Variants in LOXHD1 observed in about 807,000 individuals in gnomAD.
LOXHD1 encodes lipoxygenase homology PLAT domains 1, also known as lipoxygenase homology domain-containing protein 1.
Under a neutral mutation model 248.2 loss-of-function variants are expected in LOXHD1, and 205 were observed. The observed-to-expected ratio is 0.83, with a 90% CI of 0.74 to 0.93. The LOEUF (loss-of-function observed/expected upper bound fraction) is 0.93, where lower values mean the gene tolerates loss of function less well. Ranked by LOEUF, LOXHD1 falls within the 40% of genes least tolerant of loss-of-function variation. LOXHD1 has a pLI of 0.00. For missense variants in LOXHD1, 2,930 were observed against 2,971.6 expected (o/e 0.99, Z 0.33); for synonymous variants, 1,113 against 1,162.8 (o/e 0.96, Z 0.87).
chr18:46,488,322 T>A (rs776376443), intron 38 of LOXHD1, among the ~76,000 whole-genome samples: 43 of 152,090 alleles, frequency 2.8e-4, no homozygotes, highest in Non-Finnish European at 1.9e-4. Flanking sequence ...GAGTGAAAAA[T>A]GTTTTGTTGT....
At chr18:46,484,696 TG>T (rs1448717484) in intron 39 of LOXHD1, among the ~76,000 whole-genome samples, 2 of 152,128 alleles carry the variant, frequency 1.3e-5, no homozygotes, top group East Asian at 1.9e-4. Flanking sequence ...GGAGATGAAG[TG>T]GGCATCCGAA....
chr18:46,533,280 G>C lies in LOXHD1; in HGVS notation c.4257C>G (p.Thr1419=). 6.4e-7 allele frequency: 1 copy of C among 1,551,794 alleles called. No individual in the cohort carries two copies. The change falls in exon 28 of 41, where the codon ACC becomes ACG. Residue 1419 remains threonine (T), a synonymous_variant. Transcript: ENST00000642948. ...GAATGGTCTTTTTGTCATCCTCAGA[G>C]GTGGCAAGCCACCGATCGCATGGGA... ...LTFPCDRWLA[T]SEDDKKTIRE... is the part of the protein sequence containing the mutation.
chr18:46,557,293 T>G lies in LOXHD1; in HGVS notation c.3350+63A>C, dbSNP rs371788995. ...CCCCCAGTCTTCTTCCAGGACTACCTCTGTGGCAGACATGGCCTCCCTCAG... is the reference window on the plus strand; with the variant it reads ...CCCCCAGTCTTCTTCCAGGACTACCGCTGTGGCAGACATGGCCTCCCTCAG... On this transcript the variant is annotated intron_variant, in intron 21 of 40. Transcript: ENST00000642948. 7 of 1,387,758 alleles carry G rather than the reference T, an allele frequency of 5.0e-6. No individual in the cohort carries two copies. The East Asian group carries it at 1.9e-4, about 38-fold the overall frequency. The allele number at this position is 1,387,758 out of a possible 1,614,324, so 86.0% of individuals were successfully genotyped here.
intron 38 of LOXHD1, among the ~76,000 whole-genome samples, chr18:46,488,743 G>A (rs1349679288): frequency 6.6e-6 from 1 of 152,184 alleles, no homozygotes; most frequent in Non-Finnish European, 1.5e-5. Context: ...CTTGTCCCCA[G>A]TGGGTTTTCC....
chr18:46,639,140 C>CA (rs1284918313), intron 4 of LOXHD1, among the ~76,000 whole-genome samples: 1 of 152,220 alleles, frequency 6.6e-6, no homozygotes, highest in Non-Finnish European at 1.5e-5. Flanking sequence ...TTTTACTCCT[C>CA]ATAAAATCAG....
At chr18:46,643,217 C>A (rs1342821897) in intron 2 of LOXHD1, among the ~76,000 whole-genome samples, 2 of 152,068 alleles carry the variant, frequency 1.3e-5, no homozygotes, top group Non-Finnish European at 2.9e-5. Flanking sequence ...GAAAAGAGAC[C>A]CCCACAGGAT....
chr18:46,483,732 T>A lies in LOXHD1; in HGVS notation c.6196A>T (p.Thr2066Ser), dbSNP rs1401815246. The A allele has an allele frequency of 1.9e-6, 3 of 1,548,780 alleles. No individual in the cohort carries two copies. Among genetic ancestry groups the A allele is most frequent in the Non-Finnish European group, 2.6e-6 (3 of 1,145,304 alleles). ...QRAFRKGTTDTFEFDSIYLGD... is the reference protein window; with the variant it reads ...QRAFRKGTTDSFEFDSIYLGD... ...AAGTAGATGCTGTCAAACTCAAACG[T>A]GTCTGTGGTCCCCCTGCAGGAAACA... Residue 2066 changes from threonine to serine, a missense_variant, in exon 40 of 41, where the codon ACG (threonine) becomes TCG (serine). Thr to Ser is a moderately conservative substitution (Grantham distance 58). Coordinates refer to ENST00000642948, the MANE Select transcript of LOXHD1 (RefSeq NM_001384474.1).
At chr18:46,530,569 AG>A (rs2036020277) in intron 28 of LOXHD1, among the ~76,000 whole-genome samples, 1 of 152,130 alleles carries the variant, frequency 6.6e-6, no homozygotes, top group Admixed American at 6.5e-5. Flanking sequence ...CAGGATTCCT[AG>A]AAGACCCTCA....
chr18:46,635,814 T>A (rs891530433), intron 4 of LOXHD1, among the ~76,000 whole-genome samples: 26 of 152,254 alleles, frequency 1.7e-4, no homozygotes, highest in Admixed American at 1.2e-3. Context: ...TAGTAATTAA[T>A]AATGCAAGCA....
intron 28 of LOXHD1, among the ~76,000 whole-genome samples, chr18:46,532,427 T>C (rs567410275): frequency 6.6e-6 from 1 of 152,222 alleles, no homozygotes; most frequent in East Asian, 1.9e-4. Context: ...ACATATACAA[T>C]GTAGAAAGAG....
chr18:46,633,402 G>A (rs1309832724), intron 4 of LOXHD1, among the ~76,000 whole-genome samples: 2 of 152,168 alleles, frequency 1.3e-5, no homozygotes, highest in African/African-American at 2.4e-5. Context: ...AAATAGTGCT[G>A]GGAAAACTGA....
At chr18:46,510,311 G>A (rs913706601) in intron 34 of LOXHD1, among the ~76,000 whole-genome samples, 8 of 152,248 alleles carry the variant, frequency 5.3e-5, no homozygotes, top group East Asian at 3.8e-4. Context: ...AGATGGCATC[G>A]TTCACATTTT....
intron 4 of LOXHD1, among the ~76,000 whole-genome samples, chr18:46,625,188 G>T (rs1162480167): frequency 3.3e-5 from 5 of 152,116 alleles, no homozygotes; most frequent in African/African-American, 4.8e-5. Context: ...CAAACCTCAG[G>T]TTCTCTCAAA....
At chr18:46,650,059 A>C (rs773390710) in intron 1 of LOXHD1, among the ~76,000 whole-genome samples, 4 of 152,092 alleles carry the variant, frequency 2.6e-5, no homozygotes, top group Admixed American at 1.3e-4. Context: ...ACAGCACAGA[A>C]CTAGCCTGGG....
At chr18:46,541,722 T>A in intron 25 of LOXHD1, 54 bp downstream of exon 25, 1 of 1,535,434 alleles carries the variant, frequency 6.5e-7, no homozygotes, top group Admixed American at 2.0e-5. Flanking sequence ...TGAGTTGGGG[T>A]AGCTGGTGAT....
chr18:46,509,041 T>C (rs779480188), intron 35 of LOXHD1, among the ~76,000 whole-genome samples: 3 of 152,082 alleles, frequency 2.0e-5, no homozygotes, highest in Non-Finnish European at 4.4e-5. Context: ...GGAAACTGAG[T>C]CTGTGGCCAT....
At chr18:46,623,643 A>G (rs893271257) in intron 4 of LOXHD1, among the ~76,000 whole-genome samples, 5 of 152,222 alleles carry the variant, frequency 3.3e-5, no homozygotes, top group African/African-American at 9.6e-5. Flanking sequence ...TGCTCCCTCT[A>G]AACAGGAAAT....
chr18:46,608,316 C>T (rs2038453100), intron 6 of LOXHD1, among the ~76,000 whole-genome samples: 1 of 152,158 alleles, frequency 6.6e-6, no homozygotes, highest in South Asian at 2.1e-4. Flanking sequence ...CACACCTTGC[C>T]AAGCTGCCCT....
intron 10 of LOXHD1, among the ~76,000 whole-genome samples, chr18:46,592,848 A>T (rs2038196864): frequency 6.6e-6 from 1 of 152,206 alleles, no homozygotes; most frequent in Non-Finnish European, 1.5e-5. Context: ...CCACAGTGGG[A>T]TTCAGACTAA....
Sources: gnomAD v4.1 joint callset for allele counts (sites outside exome capture counted in the v4.1 genomes callset) on GRCh38, gnomAD v4.1.1 for gene constraint, MANE v1.5 for transcripts, NCBI Gene and HGNC (gene_info 2026-07-23, HGNC 2026-07-21) for gene names.